Variants in PEX5L observed in about 807,000 individuals in gnomAD.
The protein encoded by PEX5L is peroxisomal biogenesis factor 5 like.
Under a neutral mutation model 84.0 loss-of-function variants are expected in PEX5L, and 30 were observed. The observed-to-expected ratio is 0.36, with a 90% confidence interval of 0.27 to 0.48. PEX5L has a LOEUF of 0.48. Ranked by LOEUF, PEX5L falls within the 20% of genes least tolerant of loss-of-function variation. The pLI is 0.99. For synonymous variants in PEX5L, 270 were observed against 283.1 expected (o/e 0.95, Z 0.46); for missense variants, 533 against 754.6 (o/e 0.71, Z 3.44).
chr3:179,822,763 T>C (rs770860077), intron 8 of PEX5L, among the ~76,000 whole-genome samples: 47 of 152,248 alleles, frequency 3.1e-4, no homozygotes, highest in Non-Finnish European at 5.9e-4. Context: ...TATCTGCTTA[T>C]ATCAGAAATG....
At chr3:179,906,553 T>G (rs1172107720) in intron 2 of PEX5L, among the ~76,000 whole-genome samples, 1 of 152,214 alleles carries the variant, frequency 6.6e-6, no homozygotes, top group Non-Finnish European at 1.5e-5. Context: ...AAAGATATGT[T>G]GTTTTATTTT....
chr3:179,810,002 CTTTTTTTTTTTTTT>C (rs35662193), intron 11 of PEX5L, among the ~76,000 whole-genome samples: 18 of 45,306 alleles, frequency 4.0e-4, no homozygotes, highest in Middle Eastern at 0.045. Flanking sequence ...TTTAATGCTG[CTTTTTTTTTTTTTT>C]TTTTTTTTTT....
intron 5 of PEX5L, among the ~76,000 whole-genome samples, chr3:179,878,896 T>C (rs541681152): frequency 6.6e-6 from 1 of 152,370 alleles, no homozygotes; most frequent in South Asian, 2.1e-4. Context: ...AGAGCTTATA[T>C]TATTTATCTT....
chr3:179,949,736 C>T (rs1011575588), intron 2 of PEX5L, among the ~76,000 whole-genome samples: 18 of 152,130 alleles, frequency 1.2e-4, no homozygotes, highest in African/African-American at 4.3e-4. Flanking sequence ...CCTCATCTGA[C>T]AAGCAGGTGA....
At chr3:179,803,133 T>C (rs1236020104) in intron 14 of PEX5L, among the ~76,000 whole-genome samples, 2 of 152,222 alleles carry the variant, frequency 1.3e-5, no homozygotes, top group African/African-American at 2.4e-5. Flanking sequence ...ACATGGTGCA[T>C]GATATCGCAA....
intron 1 of PEX5L, among the ~76,000 whole-genome samples, chr3:179,997,084 G>A (rs959496237): frequency 2.0e-5 from 3 of 152,112 alleles, no homozygotes; most frequent in Non-Finnish European, 4.4e-5. Flanking sequence ...AGGGGAGGCT[G>A]GGTCCCCCTG....
chr3:180,013,561 G>C (rs41463648), intron 1 of PEX5L, among the ~76,000 whole-genome samples: 19,355 of 152,016 alleles, frequency 0.13, 1,362 homozygotes, highest in African/African-American at 0.19. Flanking sequence ...GACTCTATCT[G>C]GTGTCTTCAA....
chr3:180,025,755 A>T (rs1316375822), intron 1 of PEX5L, among the ~76,000 whole-genome samples: 1 of 152,234 alleles, frequency 6.6e-6, no homozygotes, highest in East Asian at 1.9e-4. Flanking sequence ...TATAACAGGC[A>T]CGCCGTGGCT....
intron 7 of PEX5L, among the ~76,000 whole-genome samples, chr3:179,870,228 T>C (rs1749807678): frequency 6.6e-6 from 1 of 152,212 alleles, no homozygotes; most frequent in East Asian, 1.9e-4. Flanking sequence ...TCTCTGACAT[T>C]CAAATCATAA....
At chr3:179,980,860 C>T (rs1452653492) in intron 1 of PEX5L, among the ~76,000 whole-genome samples, 2 of 152,010 alleles carry the variant, frequency 1.3e-5, no homozygotes, top group African/African-American at 2.4e-5. Flanking sequence ...CCTGTCTCTA[C>T]TAAAAATACA....
chr3:179,837,101 G>A (rs1392770398), intron 8 of PEX5L, among the ~76,000 whole-genome samples: 1 of 152,104 alleles, frequency 6.6e-6, no homozygotes. Flanking sequence ...TTATCTACCT[G>A]TAGACTGGAC....
chr3:179,988,781 C>T (rs1402598284), intron 1 of PEX5L, among the ~76,000 whole-genome samples: 2 of 152,056 alleles, frequency 1.3e-5, no homozygotes, highest in Non-Finnish European at 2.9e-5. Flanking sequence ...TTTGTGGAGA[C>T]ACAAATGTAG....
At chr3:179,890,349 G>A (rs1757240993) in intron 3 of PEX5L, among the ~76,000 whole-genome samples, 1 of 152,160 alleles carries the variant, frequency 6.6e-6, no homozygotes, top group African/African-American at 2.4e-5. Context: ...CATTTACTAA[G>A]CAGTGCATTC....
intron 8 of PEX5L, among the ~76,000 whole-genome samples, chr3:179,841,501 A>G (rs1737277867): frequency 1.3e-5 from 2 of 152,150 alleles, no homozygotes; most frequent in Non-Finnish European, 1.5e-5. Flanking sequence ...AGGATTCTTA[A>G]TTATCTTTAT....
chr3:179,868,053 T>A (rs1417814554), intron 7 of PEX5L, among the ~76,000 whole-genome samples: 1 of 149,354 alleles, frequency 6.7e-6, no homozygotes, highest in Non-Finnish European at 1.5e-5. Context: ...TTTTTTTTTT[T>A]TTTTTTTTTT....
rs771230299 is a variant in PEX5L at position 179,815,992 on chromosome 3, G to C, written c.952C>G (p.His318Asp). Residue 318 changes from histidine (H) to aspartate (D), a missense_variant, in exon 10 of 15, where the codon CAC becomes GAC. Physicochemically the swap from His to Asp is moderately conservative, Grantham distance 81. This residue lies in a region of PEX5L where 58 missense variants were observed against 56.4 expected (regional missense o/e 1.03). Coordinates refer to ENST00000467460, the MANE Select transcript of PEX5L (RefSeq NM_016559.3). ...CAGTCCTTGAAGGGGTTTTCAGTGT[G>C]AAAGTAATATCCCTGCAACACAGAA... The part of the protein sequence containing the change: ...ISASEKGYYF[H>D]TENPFKDWPG... The C allele has an allele frequency of 6.2e-7, 1 of 1,614,112 alleles. No homozygotes were observed. Among genetic ancestry groups the C allele is most frequent in the Non-Finnish European group, 8.5e-7 (1 of 1,179,984 alleles).
chr3:179,877,965 C>A (rs1451882039), intron 5 of PEX5L, among the ~76,000 whole-genome samples: 1 of 151,764 alleles, frequency 6.6e-6, no homozygotes, highest in African/African-American at 2.4e-5. Context: ...TCTTTACAAT[C>A]TATCCCTGGA....
chr3:179,879,176 G>C (rs563260503), intron 5 of PEX5L, among the ~76,000 whole-genome samples: 13 of 152,244 alleles, frequency 8.5e-5, no homozygotes, highest in Admixed American at 6.5e-4. Flanking sequence ...TGTTCCTCTT[G>C]GCTTTCTAAG....
chr3:179,858,271 A>G (rs1275801410), intron 8 of PEX5L, among the ~76,000 whole-genome samples: 2 of 152,104 alleles, frequency 1.3e-5, no homozygotes, highest in African/African-American at 4.8e-5. Flanking sequence ...AAAGCTCCAC[A>G]CTCAAATAGC....
Sources: gnomAD v4.1 joint callset for allele counts (sites outside exome capture counted in the v4.1 genomes callset) on GRCh38, gnomAD v4.1.1 for gene constraint, gnomAD v4.1.1 regional missense constraint, MANE v1.5 for transcripts, NCBI Gene and HGNC (gene_info 2026-07-23, HGNC 2026-07-21) for gene names.